Variants in GRIK1 observed in about 807,000 individuals in gnomAD.
GRIK1 encodes glutamate ionotropic receptor kainate type subunit 1, also known as glutamate receptor ionotropic, kainate 1.
Under a neutral mutation model 105.7 loss-of-function variants are expected in GRIK1, and 69 were observed. The observed-to-expected ratio is 0.65, with a 90% CI of 0.54 to 0.80. The LOEUF is 0.80. Among genes scored for constraint, GRIK1 ranks in the 30% least tolerant of loss-of-function variants. The pLI, the probability that GRIK1 is intolerant of heterozygous loss-of-function variation, is 0.00. For synonymous variants in GRIK1, 438 were observed against 431.3 expected (o/e 1.02, Z -0.19); for missense variants, 1,109 against 1,167.3 (o/e 0.95, Z 0.73).
intron 1 of GRIK1, among the ~76,000 whole-genome samples, chr21:29,849,109 A>T (rs1240700614): frequency 6.7e-6 from 1 of 149,564 alleles, no homozygotes; most frequent in Non-Finnish European, 1.5e-5. Context: ...ATGATTAAGC[A>T]TATTGTTTAT....
chr21:29,686,975 C>T (rs978632422), intron 3 of GRIK1, among the ~76,000 whole-genome samples: 1 of 152,122 alleles, frequency 6.6e-6, no homozygotes, highest in East Asian at 1.9e-4. Context: ...TGGGAATCAG[C>T]GACAAGTAGG....
chr21:29,649,070 G>A (rs1024626311), intron 6 of GRIK1, among the ~76,000 whole-genome samples: 10 of 152,028 alleles, frequency 6.6e-5, no homozygotes, highest in African/African-American at 1.2e-4. Flanking sequence ...AGGTCCTTTC[G>A]TGCCCTTCAA....
chr21:29,630,173 G>A (rs1374471975), intron 7 of GRIK1, among the ~76,000 whole-genome samples: 1 of 152,148 alleles, frequency 6.6e-6, no homozygotes, highest in African/African-American at 2.4e-5. Flanking sequence ...GAGGTAGATA[G>A]ATAAATAAAA....
At chr21:29,598,397 T>C (rs1484820678) in intron 8 of GRIK1, among the ~76,000 whole-genome samples, 2 of 152,204 alleles carry the variant, frequency 1.3e-5, no homozygotes, top group African/African-American at 4.8e-5. Flanking sequence ...ATTCTGTCTG[T>C]CACCAATCTC....
chr21:29,897,458 CAT>C (rs1363478646), intron 1 of GRIK1, among the ~76,000 whole-genome samples: 1 of 152,154 alleles, frequency 6.6e-6, no homozygotes, highest in East Asian at 1.9e-4. Flanking sequence ...TTCCTTCAAA[CAT>C]GTATTTTCCT....
At chr21:29,830,047 T>A (rs2067582242) in intron 1 of GRIK1, among the ~76,000 whole-genome samples, 1 of 150,620 alleles carries the variant, frequency 6.6e-6, no homozygotes. Context: ...GAAATATGAA[T>A]CATTTTGTGA....
Position 29,693,046 on chromosome 21 carries a change from T to A in GRIK1, c.286+850A>T, listed in dbSNP as rs2063615606. ...AGTAACCTGGAAATCAGCATAAACA[T>A]GGTGTTCATTGTGTTTCCTTATTTG... On this transcript the variant is annotated intron_variant, in intron 2 of 17. Coordinates refer to ENST00000327783, the MANE Select transcript of GRIK1 (RefSeq NM_001330994.2). 2.0e-5 allele frequency among the ~76,000 whole-genome samples: 3 copies of A among 152,200 alleles called. No homozygotes were observed. In the South Asian group the frequency reaches 6.2e-4, roughly 31 times the overall value.
intron 16 of GRIK1, 56 bp downstream of exon 16, chr21:29,554,996 C>T (rs773694974): frequency 1.4e-6 from 2 of 1,460,036 alleles, no homozygotes; most frequent in South Asian, 1.3e-5. Flanking sequence ...AACCCCCAAA[C>T]TTAAGACAGA....
At chr21:29,626,360 T>C (rs2062130307) in intron 7 of GRIK1, among the ~76,000 whole-genome samples, 1 of 152,142 alleles carries the variant, frequency 6.6e-6, no homozygotes, top group Non-Finnish European at 1.5e-5. Flanking sequence ...CTTAACGCTG[T>C]TGCATTGGGG....
chr21:29,615,302 C>CTT (rs563474141), intron 7 of GRIK1, among the ~76,000 whole-genome samples: 1 of 148,688 alleles, frequency 6.7e-6, no homozygotes, highest in Admixed American at 6.6e-5. Flanking sequence ...CCCACTATTC[C>CTT]TTTTTTTCTT....
rs186846307 is a variant in GRIK1, at chr21:29,615,690, A to T, written c.1099-16753T>A. Among the ~76,000 whole-genome samples, 405 of 152,364 alleles carry T rather than the reference A, an allele frequency of 2.7e-3. 16 individuals carry two copies. In the South Asian group the frequency reaches 0.069, roughly 26 times the overall value. On this transcript the variant is annotated intron_variant, in intron 7 of 17. Transcript: ENST00000327783. ...CTGAATTCCGAAGATCTTCCAAGATATATGTAATACTGCTATAATTTCAGA... is the reference window on the plus strand; with the variant it reads ...CTGAATTCCGAAGATCTTCCAAGATTTATGTAATACTGCTATAATTTCAGA...
At chr21:29,590,100 TATAAA>T (rs920459237) in intron 10 of GRIK1, among the ~76,000 whole-genome samples, 2 of 152,238 alleles carry the variant, frequency 1.3e-5, no homozygotes, top group Non-Finnish European at 2.9e-5. Flanking sequence ...CATTTGGTTT[TATAAA>T]ATATAATAGT....
At chr21:29,743,550 C>T (rs1194149613) in intron 1 of GRIK1, among the ~76,000 whole-genome samples, 1 of 151,918 alleles carries the variant, frequency 6.6e-6, no homozygotes, top group Non-Finnish European at 1.5e-5. Flanking sequence ...ACAAAATTAG[C>T]TGGGCGTGGT....
chr21:29,822,484 T>G (rs1224560825), intron 1 of GRIK1, among the ~76,000 whole-genome samples: 1 of 152,052 alleles, frequency 6.6e-6, no homozygotes, highest in Non-Finnish European at 1.5e-5. Context: ...CCCATAATTT[T>G]TTAGATGGAC....
At chr21:29,938,781 C>G (rs1177679009) in intron 1 of GRIK1, among the ~76,000 whole-genome samples, 1 of 152,096 alleles carries the variant, frequency 6.6e-6, no homozygotes, top group Non-Finnish European at 1.5e-5. Context: ...ATCTTCAGCT[C>G]GAAGTCAGAT....
At chr21:29,879,386 G>T (rs2069311908) in intron 1 of GRIK1, among the ~76,000 whole-genome samples, 1 of 152,022 alleles carries the variant, frequency 6.6e-6, no homozygotes, top group Admixed American at 6.6e-5. Context: ...AAGGGGAAGA[G>T]TTAGTGAAAG....
At chr21:29,699,226 C>T (rs751871806) in intron 1 of GRIK1, among the ~76,000 whole-genome samples, 1 of 152,174 alleles carries the variant, frequency 6.6e-6, no homozygotes, top group Non-Finnish European at 1.5e-5. Context: ...TGAATTGCAT[C>T]CTCCCTCAAA....
chr21:29,634,257 T>C (rs2062347954), intron 7 of GRIK1, among the ~76,000 whole-genome samples: 1 of 152,254 alleles, frequency 6.6e-6, no homozygotes, highest in Non-Finnish European at 1.5e-5. Flanking sequence ...ATATTAGGTT[T>C]ATATATTCAA....
chr21:29,869,738 T>G (rs944707229), intron 1 of GRIK1, among the ~76,000 whole-genome samples: 7 of 152,174 alleles, frequency 4.6e-5, no homozygotes, highest in Non-Finnish European at 8.8e-5. Context: ...CATCTTTTTC[T>G]GCTAATAAAA....
Sources: gnomAD v4.1 joint callset for allele counts (sites outside exome capture counted in the v4.1 genomes callset) on GRCh38, gnomAD v4.1.1 for gene constraint, MANE v1.5 for transcripts, NCBI Gene and HGNC (gene_info 2026-07-23, HGNC 2026-07-21) for gene names.